The following VAV1 variants were observed in gnomAD, a reference collection of about 807,000 sequenced individuals.
The protein encoded by VAV1 is vav guanine nucleotide exchange factor 1, also known as proto-oncogene vav.
A neutral mutation model predicts 128.1 loss-of-function variants in VAV1; 33 were observed. That is an observed-to-expected ratio of 0.26 (90% CI 0.20 to 0.34). The LOEUF is 0.34. VAV1 is among the 10% of genes least tolerant of loss of function. The pLI, the probability that VAV1 is intolerant of heterozygous loss-of-function variation, is 1.00. For missense variants in VAV1, 715 were observed against 1,093.7 expected (o/e 0.65, Z 4.88); for synonymous variants, 394 against 409.8 (o/e 0.96, Z 0.47).
At chr19:6,834,593 TTTA>T (rs1184695507) in intron 19 of VAV1, among the ~76,000 whole-genome samples, 49 of 145,638 alleles carry the variant, frequency 3.4e-4, no homozygotes, top group African/African-American at 1.1e-3. Flanking sequence ...TATATAATAA[TTTA>T]TTATTTAATA....
chr19:6,854,188 T>G, intron 26 of VAV1, 90 bp downstream of exon 26: 3 of 1,501,686 alleles, frequency 2.0e-6, no homozygotes, highest in South Asian at 1.2e-5. Flanking sequence ...GAAGGTGAGG[T>G]GCGGCTCCCA....
At chr19:6,786,846 C>A (rs642553) in intron 1 of VAV1, among the ~76,000 whole-genome samples, 29,357 of 151,842 alleles carry the variant, frequency 0.19, 2,981 homozygotes, top group African/African-American at 0.26. Context: ...ATTGATTTGA[C>A]GTTTACTATT....
chr19:6,776,435 T>C (rs866484625), intron 1 of VAV1, among the ~76,000 whole-genome samples: 5 of 52,960 alleles, frequency 9.4e-5, no homozygotes, highest in South Asian at 6.0e-4. Context: ...CATCCATCCA[T>C]CCATCCATCC....
chr19:6,786,655 C>T (rs996509688), intron 1 of VAV1, among the ~76,000 whole-genome samples: 4 of 151,746 alleles, frequency 2.6e-5, no homozygotes, highest in Non-Finnish European at 5.9e-5. Context: ...TGATGGTGTG[C>T]GCCTATAGTC....
rs757763063 is a variant in VAV1 at position 6,848,109 on chromosome 19, C to T, written c.2124C>T (p.Ser708=). The change falls in exon 23 of 27, where the codon AGC becomes AGT. Residue 708 remains serine, a synonymous_variant. Coordinates refer to ENST00000602142, the MANE Select transcript of VAV1 (RefSeq NM_005428.4). The part of the protein sequence containing the change: ...RVKDAAEFAI[S]IKYNVEVKHI... ...AGGATGCAGCAGAATTTGCCATCAG[C>T]ATTAAGTAACTCCTTTCTCCCTGAC... 1 of 1,550,702 alleles carries T rather than the reference C, an allele frequency of 6.4e-7. No homozygotes were observed. Among genetic ancestry groups the T allele is most frequent in the Non-Finnish European group, 8.7e-7 (1 of 1,155,682 alleles).
chr19:6,783,715 G>A (rs1270365682), intron 1 of VAV1, among the ~76,000 whole-genome samples: 1 of 151,996 alleles, frequency 6.6e-6, no homozygotes, highest in Non-Finnish European at 1.5e-5. Context: ...TGATCCACTC[G>A]CCTCGGCCTC....
chr19:6,829,243 A>G (rs1971997495), intron 13 of VAV1, among the ~76,000 whole-genome samples: 1 of 150,682 alleles, frequency 6.6e-6, no homozygotes, highest in South Asian at 2.1e-4. Flanking sequence ...CTAGATGGGT[A>G]GGTGAGTGGA....
intron 24 of VAV1, among the ~76,000 whole-genome samples, chr19:6,852,141 A>T (rs1234212573): frequency 1.3e-5 from 2 of 152,158 alleles, no homozygotes; most frequent in South Asian, 4.1e-4. Flanking sequence ...AGCCTCCTGA[A>T]TAGCTGAGAC....
intron 21 of VAV1, among the ~76,000 whole-genome samples, chr19:6,841,024 C>T (rs1282152506): frequency 2.0e-5 from 3 of 152,012 alleles, no homozygotes; most frequent in Admixed American, 6.6e-5. Flanking sequence ...GTGATCTGCC[C>T]GCGTTGGCCT....
intron 1 of VAV1, among the ~76,000 whole-genome samples, chr19:6,773,406 A>C (rs549968050): frequency 1.6e-4 from 25 of 152,278 alleles, no homozygotes; most frequent in African/African-American, 3.8e-4. Flanking sequence ...TTTGACCCCC[A>C]GAGTCTGGAT....
intron 1 of VAV1, among the ~76,000 whole-genome samples, chr19:6,803,814 G>A (rs568716736): frequency 4.6e-4 from 70 of 152,132 alleles, no homozygotes; most frequent in Non-Finnish European, 8.2e-4. Flanking sequence ...ATCCAGCCAC[G>A]TCGGCCTCCC....
intron 1 of VAV1, among the ~76,000 whole-genome samples, chr19:6,774,197 G>A (rs1308092025): frequency 3.3e-5 from 5 of 151,928 alleles, no homozygotes; most frequent in African/African-American, 9.7e-5. Context: ...GCACCATCTC[G>A]GCTCATTGCA....
intron 14 of VAV1, among the ~76,000 whole-genome samples, chr19:6,831,065 C>A (rs559801578): frequency 6.6e-6 from 1 of 152,206 alleles, no homozygotes; most frequent in South Asian, 2.1e-4. Flanking sequence ...GCTAGGACCA[C>A]AGAGTGAGAT....
At chr19:6,773,076 C>T in intron 1 of VAV1, 65 bp downstream of exon 1, 15 of 1,589,214 alleles carry the variant, frequency 9.4e-6, no homozygotes, top group South Asian at 2.2e-5. Context: ...GGCTGACAGT[C>T]GAGGGGCTGA....
At chr19:6,845,039 G>C (rs1263108798) in intron 22 of VAV1, among the ~76,000 whole-genome samples, 1 of 152,068 alleles carries the variant, frequency 6.6e-6, no homozygotes, top group Non-Finnish European at 1.5e-5. Context: ...ATTAAAAAAA[G>C]ATGTTAAACA....
chr19:6,788,016 G>T (rs1970933109), intron 1 of VAV1, among the ~76,000 whole-genome samples: 1 of 152,026 alleles, frequency 6.6e-6, no homozygotes, highest in South Asian at 2.1e-4. Flanking sequence ...GGTGGAGCTG[G>T]CAGTGAGCCG....
At position 6,772,821 on chromosome 19, in the gene VAV1, G is replaced by A. The variant is rs944033950; in HGVS notation, c.14G>A (p.Arg5His). The A allele has an allele frequency of 3.7e-6, 6 of 1,613,466 alleles. No homozygotes were observed. Among genetic ancestry groups the A allele is most frequent in the South Asian group, 1.1e-5 (1 of 91,046 alleles). MELW[R>H]QCTHWLIQCR... ...CAGGCGGTAGCCATGGAGCTGTGGCGCCAATGCACCCACTGGCTCATCCAG... is the reference window on the plus strand; with the variant it reads ...CAGGCGGTAGCCATGGAGCTGTGGCACCAATGCACCCACTGGCTCATCCAG... Residue 5 changes from arginine (R) to histidine (H), a missense_variant, in exon 1 of 27, where the codon CGC becomes CAC. Arg to His is a conservative substitution (Grantham distance 29). This residue lies in a region of VAV1 where 302 missense variants were observed against 477.8 expected (regional missense o/e 0.63). Coordinates refer to ENST00000602142, the MANE Select transcript of VAV1 (RefSeq NM_005428.4). This position sits in a 1 kb window ranked among gnomAD's most constrained non-coding sequence, Gnocchi z 4.8.
intron 1 of VAV1, among the ~76,000 whole-genome samples, chr19:6,802,749 G>A (rs1971303365): frequency 6.6e-6 from 1 of 152,204 alleles, no homozygotes; most frequent in African/African-American, 2.4e-5. Context: ...TAGAGGCACA[G>A]ACTTTGGGAT....
chr19:6,793,399 A>G (rs748527771), intron 1 of VAV1, among the ~76,000 whole-genome samples: 1 of 152,146 alleles, frequency 6.6e-6, no homozygotes, highest in Non-Finnish European at 1.5e-5. Flanking sequence ...AGAGGGAGCC[A>G]AGACACCAAA....
Sources: gnomAD v4.1 joint callset for allele counts (sites outside exome capture counted in the v4.1 genomes callset) on GRCh38, gnomAD v4.1.1 for gene constraint, gnomAD v4.1.1 regional missense constraint, Gnocchi (gnomAD v3.1) non-coding constraint, MANE v1.5 for transcripts, NCBI Gene and HGNC (gene_info 2026-07-23, HGNC 2026-07-21) for gene names.